NFKB2: variants seen among roughly 807,000 people sequenced by gnomAD.
NFKB2 encodes nuclear factor kappa B subunit 2.
In NFKB2, 21 loss-of-function variants were observed where a neutral mutation model predicts 109.3. The ratio of observed to expected loss-of-function variants is 0.19; its 90% confidence interval spans 0.14 to 0.28. The LOEUF (loss-of-function observed/expected upper bound fraction) is 0.28. Ranked by LOEUF, NFKB2 falls within the 10% of genes least tolerant of loss-of-function variation. The probability of loss-of-function intolerance (pLI) is 1.00; values close to 1 mark genes in which losing one functional copy is unlikely to be tolerated. For synonymous variants in NFKB2, 478 were observed against 489.9 expected, an observed-to-expected ratio of 0.98 and a Z score of 0.32; for missense variants, 806 against 1,185.3, an observed-to-expected ratio of 0.68 and a Z score of 4.70.
rs2061142391 is a variant in NFKB2, at chr10:102,397,707, G to A, written c.661+22G>A. 1 of 1,594,180 alleles carries A rather than the reference G, an allele frequency of 6.3e-7. No homozygotes were observed. ...AGCAGTGAGTATCCTGATTGCCTGG[G>A]GTGCCAGGCCTGGTGGCAGAGGTGG... On this transcript the variant is annotated intron_variant, in intron 8 of 22. Transcript: ENST00000661543. The surrounding 1 kb of genome is among the most constrained non-coding windows in gnomAD (Gnocchi z 4.7).
In NFKB2 at chr10:102,397,757, C is replaced by G; in HGVS notation, c.661+72C>G. The G allele has an allele frequency of 6.5e-7, 1 of 1,536,826 alleles. No individual in the cohort carries two copies. Among genetic ancestry groups the G allele is most frequent in the Non-Finnish European group, 8.8e-7 (1 of 1,130,316 alleles). ...GCATGAGGGGTGACCTCAAGCTGTGCAGTCAAACAGACCCAGGTTTCAGAA... is the reference window on the plus strand; with the variant it reads ...GCATGAGGGGTGACCTCAAGCTGTGGAGTCAAACAGACCCAGGTTTCAGAA... On this transcript the variant is annotated intron_variant, in intron 8 of 22. Coordinates refer to ENST00000661543, the MANE Select transcript of NFKB2 (RefSeq NM_001322934.2). This position sits in a 1 kb window ranked among gnomAD's most constrained non-coding sequence, Gnocchi z 4.7.
At position 102,401,794 on chromosome 10, in the gene NFKB2, G is replaced by C; in HGVS notation, c.2343G>C (p.Leu781=). 1 of 1,613,596 alleles carries C rather than the reference G, an allele frequency of 6.2e-7. No individual in the cohort carries two copies. The highest frequency in any genetic ancestry group is 1.3e-5 in the African/African-American group (1 of 75,060). ...CAGCTCTGCAGAACCTGGAGCAGCTGCTAGACGGGCCAGAAGCCCAGGGCA... is the reference window on the plus strand; with the variant it reads ...CAGCTCTGCAGAACCTGGAGCAGCTCCTAGACGGGCCAGAAGCCCAGGGCA... The part of the protein sequence containing the change: ...GDTALQNLEQ[L]LDGPEAQGSW... Residue 781 remains leucine (L), a synonymous_variant, in exon 21 of 23, where the codon CTG becomes CTC. Transcript: ENST00000661543. The surrounding 1 kb of genome is among the most constrained non-coding windows in gnomAD (Gnocchi z 4.2).
In NFKB2 at chr10:102,402,176, G is replaced by A; in HGVS notation, c.2578+17G>A. 1 of 1,560,220 alleles carries A rather than the reference G, an allele frequency of 6.4e-7. No individual in the cohort carries two copies. Among genetic ancestry groups the A allele is most frequent in the Non-Finnish European group, 8.7e-7 (1 of 1,151,610 alleles). The stretch of plus-strand genomic sequence containing the variant: ...CCAGCACAGGTAAAGGGGCCTCCCT[G>A]GAAGGTGGATCTGGACCTGGAGGGC... On this transcript the variant is annotated intron_variant, in intron 22 of 22. Coordinates refer to ENST00000661543, the MANE Select transcript of NFKB2 (RefSeq NM_001322934.2).
At position 102,396,239 on chromosome 10, in the gene NFKB2, T is replaced by C. The variant is rs972685321; in HGVS notation, c.22-14T>C. 1.3e-6 allele frequency: 2 copies of C among 1,598,774 alleles called. No individual in the cohort carries two copies. Among genetic ancestry groups the C allele is most frequent in the African/African-American group, 2.7e-5 (2 of 74,680 alleles). On this transcript the variant is annotated splice_polypyrimidine_tract_variant and intron_variant, in intron 2 of 22. Transcript: ENST00000661543. This position sits in a 1 kb window ranked among gnomAD's most constrained non-coding sequence, Gnocchi z 5.9. The stretch of plus-strand genomic sequence containing the variant: ...TGAGAGTCGGATGCCACCCCCAGTC[T>C]GTCTCCAAACCAGGGTCTGGATGGT...
intron 12 of NFKB2, 171 bp downstream of exon 12, chr10:102,399,035 A>T: frequency 1.3e-6 from 1 of 783,610 alleles, no homozygotes; most frequent in Non-Finnish European, 2.0e-6. Flanking sequence ...CAACAGCGTG[A>T]AACCTCGTCT....
At position 102,401,846 on chromosome 10, in the gene NFKB2, G is replaced by A; in HGVS notation, c.2395G>A (p.Gly799Arg). Reference protein sequence around the residue: ...GSWAELAERLGLRSLVDTYRQ... With the variant: ...GSWAELAERLRLRSLVDTYRQ... ...CTGGGCAGAGCTGGCAGAGCGTCTG[G>A]GGCTGCGCAGCCTGGTAGACACGTA... Residue 799 changes from glycine (G) to arginine (R), a missense_variant, in exon 21 of 23, where the codon GGG becomes AGG. Gly to Arg is a moderately radical substitution (Grantham distance 125, BLOSUM62 -2). This residue lies in a region of NFKB2 where 211 missense variants were observed against 268.7 expected (regional missense o/e 0.79). Coordinates refer to ENST00000661543, the MANE Select transcript of NFKB2 (RefSeq NM_001322934.2). The surrounding 1 kb of genome is among the most constrained non-coding windows in gnomAD (Gnocchi z 4.2). 2.5e-6 allele frequency: 4 copies of A among 1,613,958 alleles called. No individual in the cohort carries two copies. The highest frequency in any genetic ancestry group is 3.4e-6 in the Non-Finnish European group (4 of 1,179,964).
chr10:102,401,173 C>G lies in NFKB2; in HGVS notation c.2072-7C>G. Reference sequence around the variant, plus strand: ...CATACCGCCCCATGACGGCCTCCCTCTCCCAGGTGCTGACATCCATGCTGA... The same window carrying G: ...CATACCGCCCCATGACGGCCTCCCTGTCCCAGGTGCTGACATCCATGCTGA... On this transcript the variant is annotated splice_polypyrimidine_tract_variant and splice_region_variant and intron_variant, in intron 18 of 22. Transcript: ENST00000661543. This position sits in a 1 kb window ranked among gnomAD's most constrained non-coding sequence, Gnocchi z 4.2. The G allele has an allele frequency of 6.3e-7, 1 of 1,589,864 alleles. No individual in the cohort carries two copies. The highest frequency in any genetic ancestry group is 1.3e-5 in the African/African-American group (1 of 74,488).
rs1469848406 is a variant in NFKB2, at chr10:102,396,678, G to A, written c.145-47G>A. On this transcript the variant is annotated intron_variant, in intron 4 of 22. Coordinates refer to ENST00000661543, the MANE Select transcript of NFKB2 (RefSeq NM_001322934.2). This position sits in a 1 kb window ranked among gnomAD's most constrained non-coding sequence, Gnocchi z 5.9. ...CAGGCACTGCGGTCACTGCTGGCCT[G>A]GGTGGTCTTCCCTGATCACAATGCT... 6.3e-7 allele frequency: 1 copy of A among 1,585,662 alleles called. No individual in the cohort carries two copies. The highest frequency in any genetic ancestry group is 1.7e-4 in the Middle Eastern group (1 of 5,982).
chr10:102,400,452 C>G lies in NFKB2; in HGVS notation c.1759C>G (p.Pro587Ala). The change falls in exon 16 of 23, where the codon CCT becomes GCT. Residue 587 changes from proline to alanine, a missense_variant. By Grantham distance (27) the Pro-to-Ala change is conservative. Coordinates refer to ENST00000661543, the MANE Select transcript of NFKB2 (RefSeq NM_001322934.2). This position sits in a 1 kb window ranked among gnomAD's most constrained non-coding sequence, Gnocchi z 6.3. ...LLRALLQSGAPAVPQLLHMPD... is the reference protein window; with the variant it reads ...LLRALLQSGAAAVPQLLHMPD... ...GCGTGCACTGCTTCAGAGTGGAGCT[C>G]CTGCTGTGCCCCAGCTGTTGCATAT... 6.2e-7 allele frequency: 1 copy of G among 1,611,842 alleles called. No homozygotes were observed. Among genetic ancestry groups the G allele is most frequent in the South Asian group, 1.1e-5 (1 of 90,984 alleles).
At position 102,396,890 on chromosome 10, in the gene NFKB2, C is replaced by T; in HGVS notation, c.244-14C>T. ...ATGCCCAAGGCCCTGACTGACAGTCCCTGCCTCTCCTAGATCTGTAACTAC... is the reference window on the plus strand; with the variant it reads ...ATGCCCAAGGCCCTGACTGACAGTCTCTGCCTCTCCTAGATCTGTAACTAC... On this transcript the variant is annotated splice_polypyrimidine_tract_variant and intron_variant, in intron 5 of 22. Coordinates refer to ENST00000661543, the MANE Select transcript of NFKB2 (RefSeq NM_001322934.2). The surrounding 1 kb of genome is among the most constrained non-coding windows in gnomAD (Gnocchi z 5.9). 6.3e-7 allele frequency: 1 copy of T among 1,599,934 alleles called. No homozygotes were observed.
Position 102,401,646 on chromosome 10 carries a change from T to C in NFKB2, c.2294-99T>C. 1 of 1,526,612 alleles carries C rather than the reference T, an allele frequency of 6.6e-7. No homozygotes were observed. The highest frequency in any genetic ancestry group is 1.2e-5 in the South Asian group (1 of 81,810). 94.6% of individuals were successfully genotyped at this position (1,526,612 alleles called of 1,614,324 possible). ...CCCCGTCCATCACCCCTCATGGTCCTGTCTGTCGCTTACCTTGGGAGAAAG... is the reference window on the plus strand; with the variant it reads ...CCCCGTCCATCACCCCTCATGGTCCCGTCTGTCGCTTACCTTGGGAGAAAG... On this transcript the variant is annotated intron_variant, in intron 20 of 22. Transcript: ENST00000661543. This position sits in a 1 kb window ranked among gnomAD's most constrained non-coding sequence, Gnocchi z 4.2.
Sources: gnomAD v4.1 joint callset for allele counts on GRCh38, gnomAD v4.1.1 for gene constraint, gnomAD v4.1.1 regional missense constraint, Gnocchi (gnomAD v3.1) non-coding constraint, MANE v1.5 for transcripts, NCBI Gene and HGNC (gene_info 2026-07-23, HGNC 2026-07-21) for gene names.